ARHGAP26: variants seen among roughly 807,000 people sequenced by gnomAD.
ARHGAP26 encodes rho GTPase-activating protein 26.
ARHGAP26 carries 38 observed loss-of-function variants against 104.8 expected under a neutral mutation model. The ratio of observed to expected loss-of-function variants is 0.36; its 90% confidence interval spans 0.28 to 0.48. The LOEUF (loss-of-function observed/expected upper bound fraction) is 0.48. ARHGAP26 is among the 20% of genes least tolerant of loss of function. The probability of loss-of-function intolerance (pLI) is 0.99; values close to 1 mark genes in which losing one functional copy is unlikely to be tolerated. For missense variants in ARHGAP26, 704 were observed against 947.9 expected (o/e 0.74, Z 3.38); for synonymous variants, 341 against 340.0 (o/e 1.00, Z -0.03).
At chr5:142,920,278 CTT>C (rs1763033157) in intron 10 of ARHGAP26, among the ~76,000 whole-genome samples, 1 of 152,164 alleles carries the variant, frequency 6.6e-6, no homozygotes, top group Non-Finnish European at 1.5e-5. Context: ...TGTTCTGTCA[CTT>C]TGAATAATTC....
At chr5:143,110,321 A>C (rs1159659197) in intron 17 of ARHGAP26, among the ~76,000 whole-genome samples, 1 of 152,244 alleles carries the variant, frequency 6.6e-6, no homozygotes, top group African/African-American at 2.4e-5. Context: ...CACTTAAAGC[A>C]GTCCCTGGCA....
chr5:143,033,110 G>A (rs1235906880), intron 12 of ARHGAP26, among the ~76,000 whole-genome samples: 1 of 152,200 alleles, frequency 6.6e-6, no homozygotes, highest in East Asian at 1.9e-4. Flanking sequence ...AGCTCATAAT[G>A]TTTGACTTTG....
At chr5:142,885,188 G>A (rs893980606) in intron 4 of ARHGAP26, 110 bp from the exon 5 acceptor site, 1 of 825,868 alleles carries the variant, frequency 1.2e-6, no homozygotes, top group African/African-American at 1.7e-5. Context: ...TGAAAAGTAG[G>A]AGCTGAGTCG....
chr5:143,206,269 T>A (rs1437981001), intron 20 of ARHGAP26, among the ~76,000 whole-genome samples: 2 of 152,248 alleles, frequency 1.3e-5, no homozygotes, highest in Non-Finnish European at 2.9e-5. Context: ...GTGGCTGAAC[T>A]GGTTTCTCTC....
chr5:142,988,017 T>A (rs901437611), intron 11 of ARHGAP26, among the ~76,000 whole-genome samples: 2 of 152,206 alleles, frequency 1.3e-5, no homozygotes, highest in African/African-American at 2.4e-5. Context: ...ATAAAATGAG[T>A]TAGGGAGGAT....
intron 17 of ARHGAP26, among the ~76,000 whole-genome samples, chr5:143,115,471 G>T (rs1795327526): frequency 6.6e-6 from 1 of 151,524 alleles, no homozygotes; most frequent in African/African-American, 2.4e-5. Context: ...AATAGGTAGG[G>T]TACAGAAGTC....
In ARHGAP26 at chr5:143,181,669, G is replaced by GA. The variant is rs532615484; in HGVS notation, c.1989-25527dup. Among the ~76,000 whole-genome samples the GA allele has an allele frequency of 1.8e-3, 271 of 152,330 alleles. 2 individuals carry two copies. Among genetic ancestry groups the GA allele is most frequent in the Admixed American group, 0.011 (172 of 15,304 alleles). On this transcript the variant is annotated intron_variant, in intron 20 of 22. Coordinates refer to ENST00000645722, the MANE Select transcript of ARHGAP26 (RefSeq NM_001135608.3). The stretch of plus-strand genomic sequence containing the variant: ...ACGTGACATGAATGAGTAAACAAAT[G>GA]AATTACACCGGAATAGATTTCTGGA...
At chr5:142,812,947 T>G (rs1325021754) in intron 1 of ARHGAP26, among the ~76,000 whole-genome samples, 1 of 150,664 alleles carries the variant, frequency 6.6e-6, no homozygotes, top group African/African-American at 2.4e-5. Context: ...CTTTCTTTTT[T>G]TTTTTTTTGA....
intron 11 of ARHGAP26, chr5:142,946,741 G>T (rs772392966): frequency 1.3e-5 from 2 of 152,064 alleles, no homozygotes; most frequent in African/African-American, 2.4e-5. Flanking sequence ...ATGTATCTTT[G>T]GATTTGCTGA....
At chr5:143,151,854 G>A (rs1298516915) in intron 20 of ARHGAP26, among the ~76,000 whole-genome samples, 1 of 152,258 alleles carries the variant, frequency 6.6e-6, no homozygotes, top group Admixed American at 6.5e-5. Flanking sequence ...GGCTCAGGAG[G>A]CTGAGGCAGG....
intron 17 of ARHGAP26, among the ~76,000 whole-genome samples, chr5:143,094,231 C>T (rs1401123390): frequency 2.6e-5 from 4 of 152,204 alleles, no homozygotes; most frequent in African/African-American, 4.8e-5. Flanking sequence ...TTCCTTAGTC[C>T]GGACCACCAA....
At chr5:142,875,880 A>G (rs938319016) in intron 3 of ARHGAP26, among the ~76,000 whole-genome samples, 1 of 152,202 alleles carries the variant, frequency 6.6e-6, no homozygotes, top group African/African-American at 2.4e-5. Flanking sequence ...AGCTAGGACT[A>G]TAGGTGTGCA....
chr5:142,981,304 A>G (rs749687110), intron 11 of ARHGAP26, among the ~76,000 whole-genome samples: 1 of 152,228 alleles, frequency 6.6e-6, no homozygotes, highest in Admixed American at 6.5e-5. Context: ...AACAGTGTCT[A>G]TCTCACCAGT....
chr5:143,213,773 G>A (rs1384893731), intron 21 of ARHGAP26, among the ~76,000 whole-genome samples: 2 of 152,176 alleles, frequency 1.3e-5, no homozygotes, highest in African/African-American at 4.8e-5. Context: ...CACAAAAAGT[G>A]TAGTTTCTTG....
At chr5:143,060,647 T>C (rs1488329102) in intron 17 of ARHGAP26, among the ~76,000 whole-genome samples, 2 of 151,874 alleles carry the variant, frequency 1.3e-5, no homozygotes, top group Non-Finnish European at 2.9e-5. Context: ...GATCTTGGAA[T>C]CTAGTATACA....
intron 1 of ARHGAP26, among the ~76,000 whole-genome samples, chr5:142,843,155 A>G (rs1193605742): frequency 6.6e-6 from 1 of 152,168 alleles, no homozygotes; most frequent in East Asian, 1.9e-4. Context: ...CTGTAATCAC[A>G]CTGGAGGTTT....
In ARHGAP26 at chr5:142,928,728, TG is replaced by T. The variant is rs1764273986; in HGVS notation, c.1029-3318del. On this transcript the variant is annotated intron_variant, in intron 10 of 22. Coordinates refer to ENST00000645722, the MANE Select transcript of ARHGAP26 (RefSeq NM_001135608.3). ...GAATAATAAGAATATACTTTTCTCA[TG>T]ATGTAGCTGTGAAGAGTGGGTGAAT... 2.0e-5 allele frequency among the ~76,000 whole-genome samples: 3 copies of T among 152,340 alleles called. No homozygotes were observed. The South Asian group carries it at 6.2e-4, about 32-fold the overall frequency.
intron 20 of ARHGAP26, among the ~76,000 whole-genome samples, chr5:143,174,663 A>G (rs1291686277): frequency 6.6e-6 from 1 of 152,242 alleles, no homozygotes. Context: ...ACATATTCAT[A>G]TAATTTATTT....
intron 5 of ARHGAP26, among the ~76,000 whole-genome samples, chr5:142,885,925 ATGT>A (rs1342470111): frequency 1.3e-5 from 2 of 152,046 alleles, no homozygotes; most frequent in Middle Eastern, 3.2e-3. Context: ...TGCTTTGGTA[ATGT>A]TGTTTCAAGA....
Sources: allele counts gnomAD v4.1 joint callset (sites outside exome capture counted in the v4.1 genomes callset), GRCh38; gene constraint gnomAD v4.1.1; transcripts MANE v1.5; gene names NCBI Gene and HGNC (gene_info 2026-07-23, HGNC 2026-07-21).